KRT26: variants seen among roughly 807,000 people sequenced by gnomAD.
The protein encoded by KRT26 is keratin, type I cytoskeletal 26.
A neutral mutation model predicts 46.1 loss-of-function variants in KRT26; 45 were observed. That is an observed-to-expected ratio of 0.98 (90% confidence interval 0.77 to 1.25). The LOEUF is 1.25. Among genes scored for constraint, KRT26 ranks in the 50% most tolerant of loss-of-function variants. The probability of loss-of-function intolerance (pLI) is 0.00; values close to 1 mark genes in which losing one functional copy is unlikely to be tolerated. For missense variants in KRT26, 582 were observed against 560.1 expected, an observed-to-expected ratio of 1.04 and a Z score of -0.39; for synonymous variants, 191 against 209.9, an observed-to-expected ratio of 0.91 and a Z score of 0.78.
exon 3 of KRT26, chr17:40,770,407 T>C: frequency 6.3e-7 from 1 of 1,583,674 alleles, no homozygotes; most frequent in Middle Eastern, 1.7e-4. Context: ...CTCATTTTCA[T>C]ACCTGAAAGA....
chr17:40,767,600 C>A (rs2038181613), exon 7 of KRT26: 5 of 1,604,958 alleles, frequency 3.1e-6, no homozygotes, highest in Non-Finnish European at 4.3e-6. Flanking sequence ...GGCTTGATTT[C>A]CAGAATTCAC....
Position 40,769,754 on chromosome 17 carries a change from CA to C in KRT26, c.968del (p.Val323GlyfsTer27), listed in dbSNP as rs766871000. On this transcript the variant is annotated frameshift_variant and splice_region_variant, in exon 5 of 8. Coordinates refer to ENST00000335552, the Ensembl canonical transcript of KRT26. LOFTEE classifies it high-confidence loss of function. Reference sequence around the variant, plus strand: ...CAATTCAATGGCGATTCCTACGTACCACAGCCATGAGGGACTGAAGTTCTAT... The same window carrying C: ...CAATTCAATGGCGATTCCTACGTACCCAGCCATGAGGGACTGAAGTTCTAT... 3.7e-6 allele frequency: 6 copies of C among 1,613,896 alleles called. No individual in the cohort carries two copies. Among genetic ancestry groups the C allele is most frequent in the South Asian group, 1.1e-5 (1 of 91,068 alleles).
At chr17:40,771,078 CA>C in intron 2 of KRT26, 75 bp downstream of exon 2, 1 of 875,238 alleles carries the variant, frequency 1.1e-6, no homozygotes, top group South Asian at 2.2e-5. Flanking sequence ...GTTTTCAAAG[CA>C]AAATATATAT....
chr17:40,767,782 A>G (rs2038183344), intron 6 of KRT26, 129 bp from the exon 7 acceptor site: 3 of 525,946 alleles, frequency 5.7e-6, no homozygotes, highest in East Asian at 6.2e-5. Context: ...ATATATTTAA[A>G]GGACATTAAT....
chr17:40,768,796 A>G, intron 6 of KRT26, 83 bp downstream of exon 6: 2 of 682,764 alleles, frequency 2.9e-6, no homozygotes, highest in Non-Finnish European at 4.8e-6. Context: ...AGGAAATTCT[A>G]GGATGCAATA....
rs151150098 is a variant in KRT26, at chr17:40,769,967, G to A, written c.837C>T (p.Asn279=). The change falls in exon 4 of 8, where the codon AAC becomes AAT. Residue 279 remains asparagine, a synonymous_variant. Coordinates refer to ENST00000335552, the Ensembl canonical transcript of KRT26. The stretch of plus-strand genomic sequence containing the variant: ...TAATTTGCCATAGACCTACCCTCTC[G>A]TTGAACCAGGCTTCAGCATCTTTGC... 15,462 of 1,614,116 alleles carry A rather than the reference G, an allele frequency of 9.6e-3. 79 individuals are homozygous for A. Among genetic ancestry groups the A allele is most frequent in the Non-Finnish European group, 0.011 (13,204 of 1,180,028 alleles).
chr17:40,769,994 G>C (rs751722319), exon 4 of KRT26: 1 of 1,614,162 alleles, frequency 6.2e-7, no homozygotes, highest in Non-Finnish European at 8.5e-7. Context: ...CATCTTTGCG[G>C]TTCTGCTCAG....
chr17:40,770,280 C>A (rs1470745155), exon 3 of KRT26: 2 of 1,613,998 alleles, frequency 1.2e-6, no homozygotes, highest in African/African-American at 1.3e-5. Flanking sequence ...TGAGGTAGGT[C>A]AATTCCTCAC....
chr17:40,766,280 C>A, exon 8 of KRT26: 1 of 338,752 alleles, frequency 3.0e-6, no homozygotes, highest in South Asian at 1.5e-4. Context: ...AAAAGGCCCC[C>A]AAAATAAAAA....
rs777669945 is a variant in KRT26, at chr17:40,767,658, G to GA, written c.1188-6dup. On this transcript the variant is annotated splice_polypyrimidine_tract_variant and splice_region_variant and intron_variant, in intron 6 of 7. Transcript: ENST00000335552. ...TAACATGTGGATTTGCTTTTTCTGT[G>GA]AAGAGAAGAGTAAATTATTGCATTT... 1.1e-5 allele frequency: 17 copies of GA among 1,580,058 alleles called. No individual in the cohort carries two copies. Among genetic ancestry groups the GA allele is most frequent in the Non-Finnish European group, 1.5e-5 (17 of 1,156,028 alleles).
chr17:40,767,001 A>G (rs1407337840), intron 7 of KRT26, among the ~76,000 whole-genome samples: 1 of 152,158 alleles, frequency 6.6e-6, no homozygotes, highest in Non-Finnish European at 1.5e-5. Flanking sequence ...TGGCCTCCCA[A>G]AGTGCTGGGA....
chr17:40,769,042 G>A lies in KRT26; in HGVS notation c.1024C>T (p.Leu342Phe), dbSNP rs201557625. Residue 342 changes from leucine to phenylalanine, a missense_variant, in exon 6 of 8, where the codon CTC becomes TTC. Physicochemically the swap from Leu to Phe is conservative, Grantham distance 22 (BLOSUM62 0). Coordinates refer to ENST00000335552, the Ensembl canonical transcript of KRT26. ...CCTATCTGATCCTGAATTTGCTGGA[G>A]TTGATTGCAGTAATTTCCTTCAGTC... is the stretch of plus-strand genomic sequence containing the variant. 94 of 1,614,038 alleles carry A rather than the reference G, an allele frequency of 5.8e-5. No individual in the cohort carries two copies. The highest frequency in any genetic ancestry group is 5.9e-5 in the Non-Finnish European group (70 of 1,179,968).
chr17:40,770,336 G>C, exon 3 of KRT26: 1 of 1,614,100 alleles, frequency 6.2e-7, no homozygotes, highest in Non-Finnish European at 8.5e-7. Context: ...CAAAGGGTCA[G>C]TTCATCCAAC....
chr17:40,770,487 C>A, intron 2 of KRT26, 78 bp from the exon 3 acceptor site: 1 of 1,173,330 alleles, frequency 8.5e-7, no homozygotes. Flanking sequence ...ATTTCATATG[C>A]TGAAAGATAT....
chr17:40,766,474 C>T (rs938181996), exon 8 of KRT26: 2 of 1,448,706 alleles, frequency 1.4e-6, no homozygotes, highest in Non-Finnish European at 1.9e-6. Flanking sequence ...CTTTCTCTCT[C>T]TCTCTCTTTC....
chr17:40,767,958 G>A lies in KRT26; in HGVS notation c.1188-305C>T, dbSNP rs370556657. Among the ~76,000 whole-genome samples, 9 of 152,276 alleles carry A rather than the reference G, an allele frequency of 5.9e-5. No individual in the cohort carries two copies. In the East Asian group the frequency reaches 1.2e-3, roughly 20 times the overall value. ...TGTTTGGAGTGCCTACCATGAAAAA[G>A]GTGTTGCTGGGCTAGGTGCTGCAGA... On this transcript the variant is annotated intron_variant, in intron 6 of 7. Transcript: ENST00000335552.
exon 6 of KRT26, chr17:40,769,064 A>T: frequency 6.2e-7 from 1 of 1,613,926 alleles, no homozygotes; most frequent in Non-Finnish European, 8.5e-7. Flanking sequence ...AATTTCCTTC[A>T]GTCTCAGCCA....
intron 7 of KRT26, among the ~76,000 whole-genome samples, chr17:40,766,938 C>A (rs1466753494): frequency 6.6e-6 from 1 of 152,156 alleles, no homozygotes; most frequent in African/African-American, 2.4e-5. Context: ...TGGAGTTTCA[C>A]CATGTTGACC....
intron 7 of KRT26, among the ~76,000 whole-genome samples, chr17:40,766,893 C>G (rs1027484877): frequency 5.3e-5 from 8 of 152,140 alleles, no homozygotes; most frequent in African/African-American, 1.4e-4. Flanking sequence ...ATGCCTGCTA[C>G]AATGCCTGGC....
Sources: allele counts gnomAD v4.1 joint callset (sites outside exome capture counted in the v4.1 genomes callset), GRCh38; gene constraint gnomAD v4.1.1; transcripts MANE v1.5; gene names NCBI Gene and HGNC (gene_info 2026-07-23, HGNC 2026-07-21).